LRRN4: variants seen among roughly 807,000 people sequenced by gnomAD.
LRRN4 encodes the protein leucine rich repeat neuronal 4.
A neutral mutation model predicts 22.3 loss-of-function variants in LRRN4; 26 were observed. That is an observed-to-expected ratio of 1.16 (90% CI 0.85 to 1.62). The LOEUF (loss-of-function observed/expected upper bound fraction) is 1.62, where lower values mean the gene tolerates loss of function less well. Ranked by LOEUF, LRRN4 falls within the 40% of genes most tolerant of loss-of-function variation. LRRN4 has a pLI of 0.00. For missense variants in LRRN4, 1,070 were observed against 1,008.5 expected (o/e 1.06, Z -0.83); for synonymous variants, 496 against 486.2 (o/e 1.02, Z -0.26).
rs749574207 is a variant in LRRN4, at chr20:6,041,565, C to T, written c.1680G>A (p.Ala560=). The T allele has an allele frequency of 2.6e-6, 4 of 1,555,776 alleles. No homozygotes were observed. The South Asian group carries it at 3.7e-5, about 14-fold the overall frequency. ...HPCKHLQTPC[A]ELQRRWRCRC... Reference sequence around the variant, plus strand: ...GGCACCGCCACCGCCTCTGCAGCTCCGCGCACGGGGTCTGCAGGTGCTTGC... The same window carrying T: ...GGCACCGCCACCGCCTCTGCAGCTCTGCGCACGGGGTCTGCAGGTGCTTGC... The change falls in exon 5 of 5, where the codon GCG becomes GCA. Residue 560 remains alanine, a synonymous_variant. Transcript: ENST00000378858. This position sits in a 1 kb window ranked among gnomAD's most constrained non-coding sequence, Gnocchi z 9.4.
In LRRN4 at chr20:6,052,769, T is replaced by TCAG. The variant is rs762524508; in HGVS notation, c.28_30dup (p.Leu10dup). 4.8e-5 allele frequency: 76 copies of TCAG among 1,575,344 alleles called. No individual in the cohort carries two copies. The highest frequency in any genetic ancestry group is 3.3e-5 in the Non-Finnish European group (38 of 1,168,402). On this transcript the variant is annotated inframe_insertion, in exon 2 of 5. Coordinates refer to ENST00000378858, the MANE Select transcript of LRRN4 (RefSeq NM_152611.5). ...TCTGCCCAGCTGGGGCGCAGCACCG[T>TCAG]CAGCAGCAGCAGCGGTAGGGTTTGC...
rs748972799 is a variant in LRRN4, at chr20:6,052,699, C to A, written c.101G>T (p.Gly34Val). 2.5e-6 allele frequency: 4 copies of A among 1,571,216 alleles called. No homozygotes were observed. Among genetic ancestry groups the A allele is most frequent in the Non-Finnish European group, 3.4e-6 (4 of 1,166,200 alleles). The change falls in exon 2 of 5, where the codon GGC becomes GTC. Residue 34 changes from glycine to valine, a missense_variant. Gly to Val is a moderately radical substitution (Grantham distance 109, BLOSUM62 -3). Coordinates refer to ENST00000378858, the MANE Select transcript of LRRN4 (RefSeq NM_152611.5). ...KVPLFRVTQQ[G>V]PWGSSGSNAT... ...GTTGCTGCCACTGCTCCCCCAGGGG[C>A]CCTGCTGAGTGACCCGGAAGAGCGG...
chr20:6,043,390 G>C (rs1177832263), intron 4 of LRRN4, among the ~76,000 whole-genome samples: 1 of 152,144 alleles, frequency 6.6e-6, no homozygotes, highest in Non-Finnish European at 1.5e-5. Context: ...ACTCCAGCCT[G>C]GATGACAGAG....
intron 2 of LRRN4, 34 bp from the exon 3 acceptor site, chr20:6,051,017 A>G: frequency 1.3e-6 from 2 of 1,597,748 alleles, no homozygotes; most frequent in Non-Finnish European, 1.7e-6. Context: ...CAACTACTCC[A>G]GAACGCACAA....
Position 6,052,593 on chromosome 20 carries a change from C to CA in LRRN4, c.206dup (p.Pro70AlafsTer148). On this transcript the variant is annotated frameshift_variant, in exon 2 of 5. Coordinates refer to ENST00000378858, the MANE Select transcript of LRRN4 (RefSeq NM_152611.5). LOFTEE classifies it high-confidence loss of function. ...GCAGTGTGCGCGGTAGGCAGCCGGG[C>CA]AGGCGCTCCAGGTTGCGGTTCGCCA... 6.3e-7 allele frequency: 1 copy of CA among 1,584,876 alleles called. No individual in the cohort carries two copies.
chr20:6,042,075 C>A lies in LRRN4; in HGVS notation c.1170G>T (p.Ala390=). The change falls in exon 5 of 5, where the codon GCG becomes GCT. Residue 390 remains alanine (A), a synonymous_variant. Transcript: ENST00000378858. The stretch of plus-strand genomic sequence containing the variant: ...GCCGGGTGGCGGGGGCTGCGCTGGG[C>A]GCGACGGTGGTACCCTGTGCGTAGG... The part of the protein sequence containing the change: ...RSTYAQGTTV[A]PSAAPATRPA... 6.2e-7 allele frequency: 1 copy of A among 1,614,020 alleles called. No homozygotes were observed. Among genetic ancestry groups the A allele is most frequent in the Non-Finnish European group, 8.5e-7 (1 of 1,179,960 alleles).
rs528029625 is a variant in LRRN4 at position 6,042,195 on chromosome 20, T to C, written c.1050A>G (p.Ser350=). The change falls in exon 5 of 5, where the codon TCA becomes TCG. Residue 350 remains serine (S), a synonymous_variant. Coordinates refer to ENST00000378858, the MANE Select transcript of LRRN4 (RefSeq NM_152611.5). ...GCAGCTGGGAGAGTGACAGGGAGGC[T>C]GAGAAGGGGCCGCTGGATCCCGCAG... is the stretch of plus-strand genomic sequence containing the variant. ...APAAGSSGPF[S]ASLSLSQLPG... is the part of the protein sequence containing the mutation. 3.1e-6 allele frequency: 5 copies of C among 1,613,864 alleles called. No individual in the cohort carries two copies. The highest frequency in any genetic ancestry group is 2.2e-5 in the South Asian group (2 of 91,066).
intron 3 of LRRN4, 54 bp from the exon 4 acceptor site, chr20:6,044,734 G>T (rs1208755996): frequency 1.4e-6 from 2 of 1,417,548 alleles, no homozygotes; most frequent in Non-Finnish European, 1.9e-6. Context: ...TTGTATCAAA[G>T]ATATTCCCAG....
In LRRN4 at chr20:6,041,456, G is replaced by A. The variant is rs1568638924; in HGVS notation, c.1789C>T (p.Leu597=). 5 of 1,555,514 alleles carry A rather than the reference G, an allele frequency of 3.2e-6. No homozygotes were observed. Among genetic ancestry groups the A allele is most frequent in the Non-Finnish European group, 4.4e-6 (5 of 1,149,204 alleles). Residue 597 remains leucine, a synonymous_variant, in exon 5 of 5, where the codon CTG becomes TTG. Transcript: ENST00000378858. The surrounding 1 kb of genome is among the most constrained non-coding windows in gnomAD (Gnocchi z 9.4). The stretch of plus-strand genomic sequence containing the variant: ...GAGTTGGGGGCACACCAGTGGACCA[G>A]CGCCGACGTGTCCGTGGTCTCCGTC... The part of the protein sequence containing the change: ...GVTETTDTSA[L]VHWCAPNSVV...
chr20:6,052,373 G>A lies in LRRN4; in HGVS notation c.427C>T (p.Pro143Ser), dbSNP rs572799379. The change falls in exon 2 of 5, where the codon CCC (proline) becomes TCC (serine). Residue 143 changes from proline to serine, a missense_variant. Pro to Ser is a moderately conservative substitution (Grantham distance 74). Coordinates refer to ENST00000378858, the MANE Select transcript of LRRN4 (RefSeq NM_152611.5). ...AGGGCGCGGAGGCTGCTCAGCGCGGGCCCGGTGCACGGCGGCAGAGCGGCC... is the reference window on the plus strand; with the variant it reads ...AGGGCGCGGAGGCTGCTCAGCGCGGACCCGGTGCACGGCGGCAGAGCGGCC... ...QLAALPPCTG[P>S]ALSSLRALAL... is the part of the protein sequence containing the mutation. 6 of 1,520,058 alleles carry A rather than the reference G, an allele frequency of 3.9e-6. No homozygotes were observed. Among genetic ancestry groups the A allele is most frequent in the Admixed American group, 2.0e-5 (1 of 48,822 alleles). The allele number at this position is 1,520,058 out of a possible 1,614,324, so 94.2% of individuals were successfully genotyped here. A position where few individuals can be genotyped will look rare whatever the true frequency, so the allele number is the denominator to read the frequency against.
intron 3 of LRRN4, among the ~76,000 whole-genome samples, chr20:6,046,242 T>A (rs978223298): frequency 2.0e-5 from 3 of 148,592 alleles, no homozygotes; most frequent in African/African-American, 7.3e-5. Context: ...AGTTAGAGGT[T>A]ACAGTGAGCC....
rs757812622 is a variant in LRRN4 at position 6,040,994 on chromosome 20, G to T, written c.*28C>A. ...TCCTTTTTGCGCTCAGATCCAGTTC[G>T]ATGAGACGCGTTATCCCAGAAGCTG... On this transcript the variant is annotated 3_prime_UTR_variant, in exon 5 of 5. Transcript: ENST00000378858. 2.5e-6 allele frequency: 4 copies of T among 1,612,398 alleles called. No homozygotes were observed. The highest frequency in any genetic ancestry group is 3.4e-6 in the Non-Finnish European group (4 of 1,179,350).
intron 2 of LRRN4, 39 bp from the exon 3 acceptor site, chr20:6,051,022 G>A: frequency 5.0e-6 from 8 of 1,586,480 alleles, no homozygotes; most frequent in Admixed American, 3.4e-5. Flanking sequence ...ACTCCAGAAC[G>A]CACAAACCCA....
intron 3 of LRRN4, among the ~76,000 whole-genome samples, chr20:6,046,900 A>G (rs1431682427): frequency 1.3e-5 from 2 of 151,092 alleles, no homozygotes; most frequent in Non-Finnish European, 3.0e-5. Flanking sequence ...TTCAATCAGT[A>G]TTTTTGTGTG....
chr20:6,052,611 G>T lies in LRRN4; in HGVS notation c.189C>A (p.Asn63Lys), dbSNP rs577185773. The change falls in exon 2 of 5, where the codon AAC (asparagine) becomes AAA (lysine). Residue 63 changes from asparagine to lysine, a missense_variant. Transcript: ENST00000378858. The part of the protein sequence containing the change: ...AADATALTLA[N>K]RNLERLPGCL... ...AGCCGGGCAGGCGCTCCAGGTTGCGGTTCGCCAGGGTCAAGGCCGTCGCAT... is the reference window on the plus strand; with the variant it reads ...AGCCGGGCAGGCGCTCCAGGTTGCGTTTCGCCAGGGTCAAGGCCGTCGCAT... 9 of 1,588,154 alleles carry T rather than the reference G, an allele frequency of 5.7e-6. No individual in the cohort carries two copies. In the African/African-American group the frequency reaches 1.2e-4, roughly 21 times the overall value.
intron 2 of LRRN4, 45 bp downstream of exon 2, chr20:6,052,100 G>T: frequency 6.5e-7 from 1 of 1,541,492 alleles, no homozygotes; most frequent in Non-Finnish European, 8.7e-7. Context: ...GCGCAGCCTG[G>T]CTCTGCGCTC....
chr20:6,044,678 C>T lies in LRRN4; in HGVS notation c.863G>A (p.Cys288Tyr). ...PHLQVLLFQN[C>Y]NLSSFPPWTL... ...CCAAGGAGGGAAGGAACTCAAGTTGCAGCTGAAATACAAACAAAAAAATTA... is the reference window on the plus strand; with the variant it reads ...CCAAGGAGGGAAGGAACTCAAGTTGTAGCTGAAATACAAACAAAAAAATTA... The change falls in exon 4 of 5, where the codon TGC becomes TAC. Residue 288 changes from cysteine (C) to tyrosine (Y), a missense_variant and splice_region_variant. Coordinates refer to ENST00000378858, the MANE Select transcript of LRRN4 (RefSeq NM_152611.5). The T allele has an allele frequency of 6.5e-7, 1 of 1,534,266 alleles. No homozygotes were observed. The highest frequency in any genetic ancestry group is 1.3e-5 in the South Asian group (1 of 77,190).
Position 6,052,434 on chromosome 20 carries a change from C to G in LRRN4, c.366G>C (p.Ala122=). The G allele has an allele frequency of 6.5e-7, 1 of 1,548,122 alleles. No individual in the cohort carries two copies. Among genetic ancestry groups the G allele is most frequent in the Non-Finnish European group, 8.7e-7 (1 of 1,155,834 alleles). The change falls in exon 2 of 5, where the codon GCG becomes GCC. Residue 122 remains alanine, a synonymous_variant. Coordinates refer to ENST00000378858, the MANE Select transcript of LRRN4 (RefSeq NM_152611.5). Reference sequence around the variant, plus strand: ...AGCTGAGGTCCAGGGTGTGCAGCCCCGCCGGCCCACCCGGGCCCCAGCGCA... The same window carrying G: ...AGCTGAGGTCCAGGGTGTGCAGCCCGGCCGGCCCACCCGGGCCCCAGCGCA... ...AALRWGPGGP[A]GLHTLDLSYN...
At chr20:6,047,942 A>G (rs1402832010) in intron 3 of LRRN4, among the ~76,000 whole-genome samples, 3 of 152,140 alleles carry the variant, frequency 2.0e-5, no homozygotes, top group Non-Finnish European at 4.4e-5. Context: ...GACGAAGAGG[A>G]CTTGATCTAG....
Sources: allele counts gnomAD v4.1 joint callset (sites outside exome capture counted in the v4.1 genomes callset), GRCh38; gene constraint gnomAD v4.1.1; non-coding constraint Gnocchi (gnomAD v3.1); transcripts MANE v1.5; gene names NCBI Gene and HGNC (gene_info 2026-07-23, HGNC 2026-07-21).